Variants in SNX27 observed in about 807,000 individuals in gnomAD.
SNX27 encodes sorting nexin-27.
In SNX27, 22 loss-of-function variants were observed where a neutral mutation model predicts 71.6. That is an observed-to-expected ratio of 0.31 (90% confidence interval 0.22 to 0.44). The LOEUF (loss-of-function observed/expected upper bound fraction) is 0.44, where lower values mean the gene tolerates loss of function less well. SNX27 is among the 20% of genes least tolerant of loss of function. The pLI is 1.00. For missense variants in SNX27, 531 were observed against 698.6 expected (o/e 0.76, Z 2.70); for synonymous variants, 269 against 277.2 (o/e 0.97, Z 0.29).
Position 151,692,435 on chromosome 1 carries a change from TACC to T in SNX27, c.1241_1243del (p.Tyr414_Leu415delinsPhe). ...TTTTTTTTTTTTTTTTTTTTTTTAG[TACC>T]TCAACATGCTAAGGACTTGTGAGGG... On this transcript the variant is annotated inframe_deletion and splice_region_variant, in exon 9 of 12. Coordinates refer to ENST00000458013, the MANE Select transcript of SNX27 (RefSeq NM_001330723.2). The T allele has an allele frequency of 1.3e-6, 1 of 799,384 alleles. No homozygotes were observed. The highest frequency in any genetic ancestry group is 1.9e-6 in the Non-Finnish European group (1 of 536,608). 49.5% of individuals were successfully genotyped at this position (799,384 alleles called of 1,614,324 possible).
At position 151,698,952 on chromosome 1, in the gene SNX27, A is replaced by G. The variant is rs1484810879; in HGVS notation, c.*4535A>G. ...ATGTGAAGAGAAAATACACAGACACAATAATGGCTAACATTGTTTCTTTCA... is the reference window on the plus strand; with the variant it reads ...ATGTGAAGAGAAAATACACAGACACGATAATGGCTAACATTGTTTCTTTCA... On this transcript the variant is annotated 3_prime_UTR_variant, in exon 12 of 12. Transcript: ENST00000458013. The G allele has an allele frequency of 2.0e-5, 3 of 152,696 alleles. No homozygotes were observed. In the East Asian group the frequency reaches 5.8e-4, roughly 29 times the overall value. 9.5% of individuals were successfully genotyped at this position (152,696 alleles called of 1,614,324 possible). A position where few individuals can be genotyped will look rare whatever the true frequency, so the allele number is the denominator to read the frequency against.
intron 7 of SNX27, among the ~76,000 whole-genome samples, chr1:151,668,861 A>C (rs948965563): frequency 6.6e-6 from 1 of 152,168 alleles, no homozygotes; most frequent in African/African-American, 2.4e-5. Flanking sequence ...TATGTATTCT[A>C]ATATTTTTAA....
intron 2 of SNX27, among the ~76,000 whole-genome samples, chr1:151,649,793 C>G (rs1255396639): frequency 1.3e-5 from 2 of 152,142 alleles, no homozygotes; most frequent in East Asian, 3.8e-4. Flanking sequence ...GCAGCCTTGA[C>G]CTCCTGGGCT....
At chr1:151,613,842 C>T (rs1305578556) in intron 1 of SNX27, 1 of 152,212 alleles carries the variant, frequency 6.6e-6, no homozygotes, top group Non-Finnish European at 1.5e-5. Context: ...GTCTTCAGTG[C>T]TGTGTTTCTG....
chr1:151,696,325 C>A lies in SNX27; in HGVS notation c.*1908C>A, dbSNP rs915466165. Reference sequence around the variant, plus strand: ...CCCTTCTCCCCTTTCTAAACAAAAACCTTCCTAGGATGGCATCTTTTGCTC... The same window carrying A: ...CCCTTCTCCCCTTTCTAAACAAAAAACTTCCTAGGATGGCATCTTTTGCTC... On this transcript the variant is annotated 3_prime_UTR_variant, in exon 12 of 12. Coordinates refer to ENST00000458013, the MANE Select transcript of SNX27 (RefSeq NM_001330723.2). 6 of 152,236 alleles carry A rather than the reference C, an allele frequency of 3.9e-5. No individual in the cohort carries two copies. The highest frequency in any genetic ancestry group is 1.3e-4 in the Admixed American group (2 of 15,294). 9.4% of individuals were successfully genotyped at this position (152,236 alleles called of 1,614,324 possible).
At chr1:151,693,357 T>G in intron 10 of SNX27, 67 bp from the exon 11 acceptor site, 1 of 1,482,450 alleles carries the variant, frequency 6.7e-7, no homozygotes. Flanking sequence ...GGGACAGGAG[T>G]TCAAAGGCAC....
At chr1:151,652,643 C>T (rs1293310986) in intron 2 of SNX27, among the ~76,000 whole-genome samples, 4 of 151,886 alleles carry the variant, frequency 2.6e-5, no homozygotes, top group African/African-American at 7.3e-5. Flanking sequence ...GAACTCCTGA[C>T]GTTGTGATCC....
intron 8 of SNX27, among the ~76,000 whole-genome samples, chr1:151,687,648 C>A (rs1392629837): frequency 6.6e-6 from 1 of 152,120 alleles, no homozygotes; most frequent in Non-Finnish European, 1.5e-5. Context: ...AACACTGAGT[C>A]TCTGCTTTAA....
intron 7 of SNX27, chr1:151,677,184 A>G (rs986405628): frequency 2.6e-5 from 4 of 152,040 alleles, no homozygotes; most frequent in African/African-American, 9.7e-5. Flanking sequence ...TTCCAACTGG[A>G]ATTTTGTTAA....
chr1:151,656,743 A>G (rs531461824), intron 2 of SNX27, among the ~76,000 whole-genome samples: 8 of 152,330 alleles, frequency 5.3e-5, no homozygotes, highest in Non-Finnish European at 1.0e-4. Context: ...ACAGATTAAA[A>G]ACAAACGAGC....
Position 151,658,442 on chromosome 1 carries a change from CA to C in SNX27, c.736+18del. 1 of 1,610,674 alleles carries C rather than the reference CA, an allele frequency of 6.2e-7. No individual in the cohort carries two copies. The highest frequency in any genetic ancestry group is 8.5e-7 in the Non-Finnish European group (1 of 1,178,288). ...TCTAGAAAAAGGTAATCCAAACCAT[CA>C]AACTCTACTATATTGAGTAGACGTA... On this transcript the variant is annotated intron_variant, in intron 3 of 11. Coordinates refer to ENST00000458013, the MANE Select transcript of SNX27 (RefSeq NM_001330723.2).
In SNX27 at chr1:151,637,165, TTTTTG is replaced by T. The variant is rs1668499640; in HGVS notation, c.312-1718_312-1714del. 2.2e-5 allele frequency among the ~76,000 whole-genome samples: 2 copies of T among 89,588 alleles called. 1 individual carries two copies. The highest frequency in any genetic ancestry group is 4.5e-5 in the Non-Finnish European group (2 of 44,218). 58.8% of individuals were successfully genotyped at this position (89,588 alleles called of 152,430 possible). On this transcript the variant is annotated intron_variant, in intron 1 of 11. Coordinates refer to ENST00000458013, the MANE Select transcript of SNX27 (RefSeq NM_001330723.2). ...CAGAGTTGATCACGTTTTTTTTGTTTTTTTGTTTTTTTTTTTTGAGACAGAGTCTT... is the reference window on the plus strand; with the variant it reads ...CAGAGTTGATCACGTTTTTTTTGTTTTTTTTTTTTTTTGAGACAGAGTCTT...
rs189844768 is a variant in SNX27 at position 151,667,487 on chromosome 1, A to G, written c.986-985A>G. Among the ~76,000 whole-genome samples, 14 of 152,056 alleles carry G rather than the reference A, an allele frequency of 9.2e-5. No individual in the cohort carries two copies. In the East Asian group the frequency reaches 2.7e-3, roughly 29 times the overall value. On this transcript the variant is annotated intron_variant, in intron 6 of 11. Transcript: ENST00000458013. ...TTCATTGAGAATTGCCACATGAGAGACTCTGAATGTACCATAGCTGGGTAA... is the reference window on the plus strand; with the variant it reads ...TTCATTGAGAATTGCCACATGAGAGGCTCTGAATGTACCATAGCTGGGTAA...
chr1:151,693,574 T>G (rs1358243186), intron 11 of SNX27, 91 bp downstream of exon 11: 3 of 1,613,098 alleles, frequency 1.9e-6, no homozygotes, highest in Non-Finnish European at 2.5e-6. Context: ...GACCCTCACC[T>G]CCATCTCTGT....
At chr1:151,641,011 G>A (rs984605427) in intron 2 of SNX27, among the ~76,000 whole-genome samples, 1 of 151,562 alleles carries the variant, frequency 6.6e-6, no homozygotes, top group Non-Finnish European at 1.5e-5. Flanking sequence ...AAGATTGGCA[G>A]ACATTGTTAT....
intron 2 of SNX27, among the ~76,000 whole-genome samples, chr1:151,657,072 C>G (rs942006541): frequency 6.6e-6 from 1 of 152,166 alleles, no homozygotes; most frequent in Non-Finnish European, 1.5e-5. Context: ...GAGGCGGAGA[C>G]TATATGGTGT....
intron 7 of SNX27, among the ~76,000 whole-genome samples, chr1:151,669,777 G>A (rs1280593920): frequency 6.6e-6 from 1 of 152,118 alleles, no homozygotes; most frequent in Non-Finnish European, 1.5e-5. Flanking sequence ...CATAGTAGGT[G>A]TATATATTTT....
chr1:151,621,941 A>T (rs1044032067), intron 1 of SNX27, among the ~76,000 whole-genome samples: 2 of 152,200 alleles, frequency 1.3e-5, no homozygotes, highest in Non-Finnish European at 2.9e-5. Context: ...GAGGTTTTGT[A>T]TCAAGGAAAT....
chr1:151,654,205 TTC>T (rs2102668577), intron 2 of SNX27, among the ~76,000 whole-genome samples: 1 of 152,314 alleles, frequency 6.6e-6, no homozygotes, highest in East Asian at 1.9e-4. Flanking sequence ...CACAGACAAG[TTC>T]TCTCTTTACA....
Sources: gnomAD v4.1 joint callset for allele counts (sites outside exome capture counted in the v4.1 genomes callset) on GRCh38, gnomAD v4.1.1 for gene constraint, MANE v1.5 for transcripts, NCBI Gene and HGNC (gene_info 2026-07-23, HGNC 2026-07-21) for gene names.